The following RAD51B variants were observed in gnomAD, a reference collection of about 807,000 sequenced individuals.
RAD51B encodes DNA repair protein RAD51 homolog 2.
Under a neutral mutation model 42.2 loss-of-function variants are expected in RAD51B, and 38 were observed. That is an observed-to-expected ratio of 0.90 (90% CI 0.70 to 1.18). RAD51B has a LOEUF of 1.18. Ranked by LOEUF, RAD51B falls within the 50% of genes most tolerant of loss-of-function variation. RAD51B has a pLI of 0.00. For missense variants in RAD51B, 373 were observed against 400.7 expected (o/e 0.93, Z 0.59); for synonymous variants, 154 against 145.2 (o/e 1.06, Z -0.43).
At chr14:68,475,687 C>CT (rs146115316) in intron 10 of RAD51B, among the ~76,000 whole-genome samples, 20 of 151,698 alleles carry the variant, frequency 1.3e-4, no homozygotes, top group African/African-American at 4.1e-4. Flanking sequence ...CCTACCTCCA[C>CT]TTTTAAAAAA....
At chr14:67,961,938 A>G (rs1214831508) in intron 7 of RAD51B, among the ~76,000 whole-genome samples, 2 of 152,224 alleles carry the variant, frequency 1.3e-5, no homozygotes, top group East Asian at 1.9e-4. Flanking sequence ...TTTATAGTAC[A>G]TGTATATGCA....
chr14:68,439,718 C>T (rs1462711469), intron 9 of RAD51B, among the ~76,000 whole-genome samples: 2 of 152,224 alleles, frequency 1.3e-5, no homozygotes, highest in African/African-American at 4.8e-5. Flanking sequence ...GGCCTAGCCT[C>T]CTTCCTGTAG....
chr14:68,572,159 A>G (rs1178178746), intron 10 of RAD51B, among the ~76,000 whole-genome samples: 2 of 152,314 alleles, frequency 1.3e-5, no homozygotes, highest in South Asian at 2.1e-4. Flanking sequence ...GTAATCTACA[A>G]ACAAAAGGTC....
intron 9 of RAD51B, among the ~76,000 whole-genome samples, chr14:68,445,837 A>G (rs1287876335): frequency 3.3e-5 from 5 of 152,298 alleles, no homozygotes; most frequent in Middle Eastern, 6.8e-3. Context: ...GGTGAATGAG[A>G]GGGATCAACT....
intron 3 of RAD51B, among the ~76,000 whole-genome samples, chr14:67,828,977 G>C (rs2040931866): frequency 6.6e-6 from 1 of 151,942 alleles, no homozygotes; most frequent in Non-Finnish European, 1.5e-5. Context: ...GCTCCTTTTT[G>C]GTTTCATATG....
At chr14:67,880,914 A>G (rs1025833508) in intron 5 of RAD51B, among the ~76,000 whole-genome samples, 1 of 152,216 alleles carries the variant, frequency 6.6e-6, no homozygotes, top group Non-Finnish European at 1.5e-5. Flanking sequence ...TTCGCTTAAC[A>G]ATTGGGATAT....
In RAD51B at chr14:67,910,439, A is replaced by AT. The variant is rs1566953757; in HGVS notation, c.756+23235_756+23236insT. ...AAAAAAAAAAAAAAAAAAAAAAAAA[A>AT]AAATATTTAAATAAAAATAATGTTT... On this transcript the variant is annotated intron_variant, in intron 7 of 10. Transcript: ENST00000471583. Among the ~76,000 whole-genome samples the AT allele has an allele frequency of 3.8e-4, 30 of 79,938 alleles. 2 individuals carry two copies. The highest frequency in any genetic ancestry group is 5.5e-4 in the Non-Finnish European group (24 of 43,612). 52.4% of individuals were successfully genotyped at this position (79,938 alleles called of 152,430 possible).
intron 7 of RAD51B, among the ~76,000 whole-genome samples, chr14:67,958,164 A>C (rs1351016748): frequency 1.3e-5 from 2 of 152,240 alleles, no homozygotes; most frequent in Non-Finnish European, 2.9e-5. Flanking sequence ...TGGAGGCTTC[A>C]TGGAAGACAG....
intron 10 of RAD51B, among the ~76,000 whole-genome samples, chr14:68,601,756 C>T (rs1170544302): frequency 2.6e-5 from 4 of 152,186 alleles, no homozygotes; most frequent in Non-Finnish European, 4.4e-5. Context: ...CCTCCCCTCC[C>T]TCTTGTCAAA....
chr14:68,345,648 G>A (rs1165881360), intron 8 of RAD51B, among the ~76,000 whole-genome samples: 2 of 151,892 alleles, frequency 1.3e-5, no homozygotes, highest in African/African-American at 2.4e-5. Context: ...CTCAGCGTCA[G>A]GTGTTTCTTT....
intron 10 of RAD51B, among the ~76,000 whole-genome samples, chr14:68,578,710 A>C (rs527658945): frequency 2.0e-5 from 3 of 152,372 alleles, no homozygotes; most frequent in Non-Finnish European, 4.4e-5. Flanking sequence ...GAAGCCCAAA[A>C]TCCAGAAGGG....
At chr14:68,588,697 G>T (rs1890603474) in intron 10 of RAD51B, among the ~76,000 whole-genome samples, 1 of 152,170 alleles carries the variant, frequency 6.6e-6, no homozygotes, top group South Asian at 2.1e-4. Context: ...ATCGAGTCTG[G>T]ATTTCATTTC....
chr14:67,834,826 T>C (rs1022267629), intron 3 of RAD51B, among the ~76,000 whole-genome samples: 1 of 152,300 alleles, frequency 6.6e-6, no homozygotes, highest in African/African-American at 2.4e-5. Flanking sequence ...TTGCCTGGTT[T>C]CTAGTCCTAA....
At chr14:68,317,630 A>G (rs1291003968) in intron 8 of RAD51B, among the ~76,000 whole-genome samples, 1 of 152,162 alleles carries the variant, frequency 6.6e-6, no homozygotes, top group Non-Finnish European at 1.5e-5. Context: ...TTTGTCATTC[A>G]TGAGAGAAAC....
chr14:68,233,784 G>T (rs761793320), intron 7 of RAD51B, among the ~76,000 whole-genome samples: 5 of 152,178 alleles, frequency 3.3e-5, no homozygotes, highest in African/African-American at 1.2e-4. Flanking sequence ...ATGTGGAAAT[G>T]CAAAGAGGTG....
intron 7 of RAD51B, among the ~76,000 whole-genome samples, chr14:67,934,049 A>C (rs938284613): frequency 2.0e-5 from 3 of 152,224 alleles, no homozygotes; most frequent in African/African-American, 7.2e-5. Context: ...GTGAAAGGAA[A>C]TGGGTTCATT....
intron 11 of RAD51B, among the ~76,000 whole-genome samples, chr14:68,652,517 C>T (rs1414034979): frequency 2.6e-5 from 4 of 152,220 alleles, no homozygotes; most frequent in East Asian, 3.8e-4. Context: ...CTAGGACCCT[C>T]GGCCATGCGT....
intron 7 of RAD51B, among the ~76,000 whole-genome samples, chr14:67,893,813 T>A (rs142452399): frequency 6.6e-6 from 1 of 152,244 alleles, no homozygotes; most frequent in East Asian, 1.9e-4. Context: ...GATGCACTGG[T>A]TCTCTTCTAT....
At chr14:68,673,890 A>G (rs879807492) in intron 11 of RAD51B, among the ~76,000 whole-genome samples, 9 of 151,692 alleles carry the variant, frequency 5.9e-5, no homozygotes, top group Admixed American at 1.3e-4. Context: ...ACACATGTAT[A>G]CATGCACACA....
Sources: allele counts gnomAD v4.1 joint callset (sites outside exome capture counted in the v4.1 genomes callset), GRCh38; gene constraint gnomAD v4.1.1; transcripts MANE v1.5; gene names NCBI Gene and HGNC (gene_info 2026-07-23, HGNC 2026-07-21).